The following GPR176 variants were observed in gnomAD, a reference collection of about 807,000 sequenced individuals.
GPR176 encodes the protein G-protein coupled receptor 176.
In GPR176, 26 loss-of-function variants were observed where a neutral mutation model predicts 35.4. The ratio of observed to expected loss-of-function variants is 0.74; its 90% CI spans 0.54 to 1.02. The LOEUF is 1.02. GPR176 is among the 50% of genes least tolerant of loss of function. GPR176 has a pLI of 0.00. For synonymous variants in GPR176, 278 were observed against 271.3 expected, an observed-to-expected ratio of 1.02 and a Z score of -0.24; for missense variants, 597 against 665.3, an observed-to-expected ratio of 0.90 and a Z score of 1.13.
intron 1 of GPR176, among the ~76,000 whole-genome samples, chr15:39,847,742 CA>C (rs34896644): frequency 8.1e-4 from 56 of 68,832 alleles, no homozygotes; most frequent in East Asian, 1.8e-3. Flanking sequence ...GACTCTGTCT[CA>C]AAAAAAAAAA....
chr15:39,909,918 T>A, intron 1 of GPR176: 2 of 972,622 alleles, frequency 2.1e-6, no homozygotes, highest in Non-Finnish European at 2.4e-6. Flanking sequence ...AAGCCCGAAC[T>A]CCCTTGCAAT....
At chr15:39,881,761 A>C (rs56049476) in intron 1 of GPR176, among the ~76,000 whole-genome samples, 27,473 of 152,208 alleles carry the variant, frequency 0.18, 2,641 homozygotes, top group Non-Finnish European at 0.21. Context: ...CATAGTAATG[A>C]ATATAGCAAC....
intron 1 of GPR176, among the ~76,000 whole-genome samples, chr15:39,877,220 T>C (rs529786159): frequency 6.6e-6 from 1 of 152,088 alleles, no homozygotes; most frequent in Non-Finnish European, 1.5e-5. Flanking sequence ...GAAGATCTCT[T>C]TTATCAAAGT....
At chr15:39,869,445 G>A (rs1031350548) in intron 1 of GPR176, among the ~76,000 whole-genome samples, 1 of 152,122 alleles carries the variant, frequency 6.6e-6, no homozygotes, top group African/African-American at 2.4e-5. Flanking sequence ...TCATGATGCC[G>A]ACCTCGGGCA....
chr15:39,871,366 A>G (rs927455456), intron 1 of GPR176, among the ~76,000 whole-genome samples: 11 of 152,194 alleles, frequency 7.2e-5, no homozygotes, highest in African/African-American at 2.7e-4. Context: ...AAAGAGTAAG[A>G]GAGTTCCATA....
chr15:39,848,126 T>G (rs937992577), intron 1 of GPR176, among the ~76,000 whole-genome samples: 5 of 152,116 alleles, frequency 3.3e-5, no homozygotes, highest in Admixed American at 2.6e-4. Context: ...ACCAGGCCCC[T>G]CTTCCAACAC....
At chr15:39,839,340 T>C (rs1901602251) in intron 1 of GPR176, among the ~76,000 whole-genome samples, 1 of 152,198 alleles carries the variant, frequency 6.6e-6, no homozygotes, top group South Asian at 2.1e-4. Flanking sequence ...TACAACCATC[T>C]GATCTTCGAC....
intron 1 of GPR176, among the ~76,000 whole-genome samples, chr15:39,867,051 T>C (rs536539334): frequency 8.9e-4 from 136 of 152,262 alleles, no homozygotes; most frequent in African/African-American, 3.1e-3. Flanking sequence ...ATAATCAACA[T>C]GTGGCACAAA....
intron 1 of GPR176, among the ~76,000 whole-genome samples, chr15:39,829,925 C>T (rs1900953445): frequency 6.6e-6 from 1 of 152,008 alleles, no homozygotes; most frequent in South Asian, 2.1e-4. Context: ...TCTAGAACAA[C>T]TCAAATAACT....
At chr15:39,812,132 T>C (rs1350973073) in intron 1 of GPR176, among the ~76,000 whole-genome samples, 1 of 152,236 alleles carries the variant, frequency 6.6e-6, no homozygotes, top group East Asian at 1.9e-4. Flanking sequence ...CTGCTTCACA[T>C]GTAATATAAG....
intron 1 of GPR176, among the ~76,000 whole-genome samples, chr15:39,913,020 G>C (rs2033620426): frequency 6.6e-6 from 1 of 152,146 alleles, no homozygotes; most frequent in South Asian, 2.1e-4. Flanking sequence ...ATTCAGAGCA[G>C]CATTATTCAT....
intron 1 of GPR176, among the ~76,000 whole-genome samples, chr15:39,919,440 A>C (rs1235377128): frequency 6.6e-6 from 1 of 152,244 alleles, no homozygotes; most frequent in Non-Finnish European, 1.5e-5. Flanking sequence ...ATATATATGG[A>C]AAGATGGGAT....
At chr15:39,848,398 T>A (rs531803961) in intron 1 of GPR176, among the ~76,000 whole-genome samples, 1 of 152,234 alleles carries the variant, frequency 6.6e-6, no homozygotes, top group South Asian at 2.1e-4. Flanking sequence ...TTTCAGCAAC[T>A]GATAAAACTA....
At chr15:39,901,581 C>T (rs775116912) in intron 1 of GPR176, among the ~76,000 whole-genome samples, 1 of 152,106 alleles carries the variant, frequency 6.6e-6, no homozygotes. Context: ...GGAACAACAA[C>T]AAAAAAGTCT....
At chr15:39,807,490 T>A (rs1899272004) in intron 1 of GPR176, 2 of 1,296,474 alleles carry the variant, frequency 1.5e-6, no homozygotes, top group African/African-American at 3.0e-5. Context: ...GGTGAGTTTC[T>A]CTATTTAATT....
chr15:39,892,896 G>T (rs2032928412), intron 1 of GPR176, among the ~76,000 whole-genome samples: 1 of 152,170 alleles, frequency 6.6e-6, no homozygotes, highest in African/African-American at 2.4e-5. Flanking sequence ...AGCAGTCTTA[G>T]GAAACTAATG....
chr15:39,892,785 C>T (rs2140860765), intron 1 of GPR176, among the ~76,000 whole-genome samples: 1 of 152,338 alleles, frequency 6.6e-6, no homozygotes, highest in African/African-American at 2.4e-5. Context: ...TCAGAAGGAA[C>T]CAGCCCTGCC....
intron 1 of GPR176, among the ~76,000 whole-genome samples, chr15:39,908,485 A>T (rs925024958): frequency 6.6e-6 from 1 of 152,196 alleles, no homozygotes; most frequent in Admixed American, 6.5e-5. Flanking sequence ...ACTATATGTT[A>T]TCAGTCAGGA....
chr15:39,889,649 C>CT (rs1250256485), intron 1 of GPR176, among the ~76,000 whole-genome samples: 6 of 151,992 alleles, frequency 3.9e-5, no homozygotes, highest in Non-Finnish European at 8.8e-5. Context: ...GACCTTGACT[C>CT]TAACTGTCCC....
Sources: allele counts gnomAD v4.1 joint callset (sites outside exome capture counted in the v4.1 genomes callset), GRCh38; gene constraint gnomAD v4.1.1; transcripts MANE v1.5; gene names NCBI Gene and HGNC (gene_info 2026-07-23, HGNC 2026-07-21).